Variants in KBTBD11 observed in about 807,000 individuals in gnomAD.
The protein encoded by KBTBD11 is kelch repeat and BTB domain containing 11.
For missense variants in KBTBD11, 1,390 were observed against 1,001.8 expected (o/e 1.39, Z -5.23); for synonymous variants, 747 against 499.0 (o/e 1.50, Z -6.63).
At chr8:1,979,222 C>T (rs574971357) in intron 1 of KBTBD11, among the ~76,000 whole-genome samples, 10 of 152,328 alleles carry the variant, frequency 6.6e-5, no homozygotes, top group Admixed American at 2.6e-4. Flanking sequence ...CCCTCCTCCT[C>T]GGGAACCTCC....
At chr8:1,985,265 G>C (rs1816673345) in intron 1 of KBTBD11, among the ~76,000 whole-genome samples, 1 of 152,258 alleles carries the variant, frequency 6.6e-6, no homozygotes, top group African/African-American at 2.4e-5. Context: ...ACCTTGGTGA[G>C]GGTGAGCTGT....
At chr8:1,993,363 A>G (rs62478222) in intron 1 of KBTBD11, among the ~76,000 whole-genome samples, 69,408 of 143,598 alleles carry the variant, frequency 0.48, 18,644 homozygotes, top group East Asian at 0.76. Context: ...CCATCGGTCC[A>G]TCCGTCCGTC....
At chr8:1,999,122 A>G (rs924823908) in intron 1 of KBTBD11, among the ~76,000 whole-genome samples, 1 of 152,222 alleles carries the variant, frequency 6.6e-6, no homozygotes, top group East Asian at 1.9e-4. Flanking sequence ...GAGTGTGCCA[A>G]CATTTTATTG....
At position 2,001,270 on chromosome 8, in the gene KBTBD11, C is replaced by T. The variant is rs766474156; in HGVS notation, c.78C>T (p.Gly26=). Residue 26 remains glycine (G), a synonymous_variant, in exon 2 of 2, where the codon GGC becomes GGT. Coordinates refer to ENST00000320248, the MANE Select transcript of KBTBD11 (RefSeq NM_014867.3). ...PGAAGESESE[G]AASPAQTPCS... is the part of the protein sequence containing the mutation. ...CTGCCGGGGAGAGCGAGAGCGAGGG[C>T]GCCGCGTCCCCGGCGCAGACACCCT... The T allele has an allele frequency of 5.3e-5, 80 of 1,516,680 alleles. No individual in the cohort carries two copies. In the Middle Eastern group the frequency reaches 8.1e-4, roughly 15 times the overall value. 94.0% of individuals were successfully genotyped at this position (1,516,680 alleles called of 1,614,324 possible). A position where few individuals can be genotyped will look rare whatever the true frequency, so the allele number is the denominator to read the frequency against.
chr8:1,978,411 G>A (rs568076186), intron 1 of KBTBD11, among the ~76,000 whole-genome samples: 40 of 152,350 alleles, frequency 2.6e-4, no homozygotes, highest in Admixed American at 5.2e-4. Context: ...TGAGGCTTGC[G>A]CCAGGAGGAT....
rs772554801 is a variant in KBTBD11 at position 2,001,349 on chromosome 8, T to C, written c.157T>C (p.Ser53Pro). The change falls in exon 2 of 2, where the codon TCC becomes CCC. Residue 53 changes from serine to proline, a missense_variant. Coordinates refer to ENST00000320248, the MANE Select transcript of KBTBD11 (RefSeq NM_014867.3). ...CTCCGGGGAAGAGTCCCCGCCGCAG[T>C]CCCTCGCCTCAGCGGCGGAAGGCGC... ...FSSGEESPPQ[S>P]LASAAEGAAT... 1.3e-6 allele frequency: 2 copies of C among 1,496,050 alleles called. No homozygotes were observed. The allele number at this position is 1,496,050 out of a possible 1,614,324, so 92.7% of individuals were successfully genotyped here.
rs1397066817 is a variant in KBTBD11, at chr8:2,005,634, G to GA, written c.*2575dup. ...TAAGTCTGCGTCCAACACTGTGTAG[G>GA]AAAAAGGTTGGTGCAAAAATATTCC... On this transcript the variant is annotated 3_prime_UTR_variant, in exon 2 of 2. Transcript: ENST00000320248. The GA allele has an allele frequency of 1.2e-5, 2 of 167,034 alleles. No homozygotes were observed. Among genetic ancestry groups the GA allele is most frequent in the African/African-American group, 4.8e-5 (2 of 41,442 alleles). The allele number at this position is 167,034 out of a possible 1,614,324, so 10.3% of individuals were successfully genotyped here.
intron 1 of KBTBD11, among the ~76,000 whole-genome samples, chr8:1,985,499 C>G (rs917474827): frequency 5.9e-5 from 9 of 152,276 alleles, no homozygotes; most frequent in Admixed American, 3.9e-4. Flanking sequence ...AAGCCACACA[C>G]GGCAGCCTGC....
At chr8:1,996,985 A>G (rs1039767453) in intron 1 of KBTBD11, among the ~76,000 whole-genome samples, 1 of 152,096 alleles carries the variant, frequency 6.6e-6, no homozygotes, top group Admixed American at 6.6e-5. Flanking sequence ...CAAGGAGGAA[A>G]CTGGTCACTC....
At chr8:1,988,816 C>G (rs138178744) in intron 1 of KBTBD11, among the ~76,000 whole-genome samples, 3 of 151,738 alleles carry the variant, frequency 2.0e-5, no homozygotes, top group African/African-American at 7.3e-5. Context: ...GTAAATACTT[C>G]ATATATGTCT....
intron 1 of KBTBD11, among the ~76,000 whole-genome samples, chr8:1,992,793 A>G (rs938120566): frequency 6.6e-6 from 1 of 152,084 alleles, no homozygotes; most frequent in African/African-American, 2.4e-5. Context: ...CCTAGCTGTA[A>G]TCCAACATCC....
intron 1 of KBTBD11, among the ~76,000 whole-genome samples, chr8:1,985,088 C>T (rs919942891): frequency 6.6e-6 from 1 of 152,212 alleles, no homozygotes; most frequent in Admixed American, 6.5e-5. Flanking sequence ...AATCAGAAGC[C>T]CTTCTGTAGG....
intron 1 of KBTBD11, among the ~76,000 whole-genome samples, chr8:1,988,622 A>T (rs1816777002): frequency 6.6e-6 from 1 of 152,162 alleles, no homozygotes; most frequent in Non-Finnish European, 1.5e-5. Flanking sequence ...TCTGGATATT[A>T]GCCCCTCCTG....
chr8:1,986,301 C>A (rs1028506763), intron 1 of KBTBD11, among the ~76,000 whole-genome samples: 1 of 152,188 alleles, frequency 6.6e-6, no homozygotes, highest in Non-Finnish European at 1.5e-5. Flanking sequence ...TTTGATGATG[C>A]AGGTGCAGTA....
Position 2,001,588 on chromosome 8 carries a change from G to T in KBTBD11, c.396G>T (p.Gly132=). The T allele has an allele frequency of 6.8e-7, 1 of 1,461,784 alleles. No homozygotes were observed. Among genetic ancestry groups the T allele is most frequent in the Non-Finnish European group, 9.0e-7 (1 of 1,112,474 alleles). 90.6% of individuals were successfully genotyped at this position (1,461,784 alleles called of 1,614,324 possible). Residue 132 remains glycine, a synonymous_variant, in exon 2 of 2, where the codon GGG becomes GGT. Coordinates refer to ENST00000320248, the MANE Select transcript of KBTBD11 (RefSeq NM_014867.3). ...EPGEPAPVPP[G]FGAVYGEPDL... is the part of the protein sequence containing the mutation. ...GGGAGCCCGCGCCCGTACCCCCGGG[G>T]TTCGGGGCGGTGTACGGGGAGCCGG... is the stretch of plus-strand genomic sequence containing the variant.
Position 2,002,270 on chromosome 8 carries a change from T to A in KBTBD11, c.1078T>A (p.Tyr360Asn). 5 of 1,312,030 alleles carry A rather than the reference T, an allele frequency of 3.8e-6. No homozygotes were observed. The highest frequency in any genetic ancestry group is 4.8e-6 in the Non-Finnish European group (5 of 1,035,808). 81.3% of individuals were successfully genotyped at this position (1,312,030 alleles called of 1,614,324 possible). A position where few individuals can be genotyped will look rare whatever the true frequency, so the allele number is the denominator to read the frequency against. The change falls in exon 2 of 2, where the codon TAC becomes AAC. Residue 360 changes from tyrosine (Y) to asparagine (N), a missense_variant. Coordinates refer to ENST00000320248, the MANE Select transcript of KBTBD11 (RefSeq NM_014867.3). This position sits in a 1 kb window ranked among gnomAD's most constrained non-coding sequence, Gnocchi z 4.1. Reference protein sequence around the residue: ...RGCGLCVLYNYLFVAGGVAPA... With the variant: ...RGCGLCVLYNNLFVAGGVAPA... ...CTGCGGCCTGTGCGTCCTCTACAAC[T>A]ACCTCTTCGTGGCGGGCGGCGTGGC...
At chr8:1,976,361 G>A (rs553788526) in intron 1 of KBTBD11, 20 of 152,260 alleles carry the variant, frequency 1.3e-4, no homozygotes, top group African/African-American at 4.3e-4. Context: ...TGTTTGCAAA[G>A]TATTTAACAA....
chr8:1,981,264 C>A (rs1217087607), intron 1 of KBTBD11, among the ~76,000 whole-genome samples: 1 of 152,164 alleles, frequency 6.6e-6, no homozygotes, highest in African/African-American at 2.4e-5. Flanking sequence ...TCACCACCAC[C>A]AGACCTGTCT....
At chr8:1,988,692 T>C (rs1816779553) in intron 1 of KBTBD11, among the ~76,000 whole-genome samples, 2 of 152,204 alleles carry the variant, frequency 1.3e-5, no homozygotes, top group Admixed American at 1.3e-4. Context: ...TTCAAACGTG[T>C]GCAGTGGCTC....
Sources: allele counts gnomAD v4.1 joint callset (sites outside exome capture counted in the v4.1 genomes callset), GRCh38; gene constraint gnomAD v4.1.1; non-coding constraint Gnocchi (gnomAD v3.1); transcripts MANE v1.5; gene names NCBI Gene and HGNC (gene_info 2026-07-23, HGNC 2026-07-21).